The following MACROD1 variants were observed in gnomAD, a reference collection of about 807,000 sequenced individuals.
MACROD1 encodes the protein mono-ADP ribosylhydrolase 1.
In MACROD1, 31 loss-of-function variants were observed where a neutral mutation model predicts 41.4. The ratio of observed to expected loss-of-function variants is 0.75; its 90% confidence interval spans 0.56 to 1.01. The LOEUF (loss-of-function observed/expected upper bound fraction) is 1.01, where lower values mean the gene tolerates loss of function less well. MACROD1 is among the 50% of genes least tolerant of loss of function. MACROD1 has a pLI of 0.00. For synonymous variants in MACROD1, 252 were observed against 203.4 expected, an observed-to-expected ratio of 1.24 and a Z score of -2.03; for missense variants, 473 against 460.0, an observed-to-expected ratio of 1.03 and a Z score of -0.26.
At chr11:64,056,482 A>G (rs1467648912) in intron 3 of MACROD1, among the ~76,000 whole-genome samples, 7 of 152,210 alleles carry the variant, frequency 4.6e-5, no homozygotes, top group Non-Finnish European at 1.0e-4. Flanking sequence ...AGGAGGCTGT[A>G]CTAGAGAGAA....
At chr11:64,029,748 G>A (rs1361803720) in intron 3 of MACROD1, among the ~76,000 whole-genome samples, 1 of 152,128 alleles carries the variant, frequency 6.6e-6, no homozygotes, top group Non-Finnish European at 1.5e-5. Flanking sequence ...CTGTCTTTCA[G>A]GACACAGTTC....
chr11:64,080,803 CG>C (rs2134490143), intron 3 of MACROD1, among the ~76,000 whole-genome samples: 1 of 152,186 alleles, frequency 6.6e-6, no homozygotes, highest in South Asian at 2.1e-4. Context: ...GCAGTGTCCT[CG>C]GGCTCAGTGA....
At chr11:64,059,965 C>A (rs1217082613) in intron 3 of MACROD1, among the ~76,000 whole-genome samples, 1 of 152,132 alleles carries the variant, frequency 6.6e-6, no homozygotes, top group Non-Finnish European at 1.5e-5. Flanking sequence ...GGGGCCGGGG[C>A]ACCCTGTGGT....
At chr11:64,007,329 C>T (rs1942930098) in intron 4 of MACROD1, among the ~76,000 whole-genome samples, 1 of 152,140 alleles carries the variant, frequency 6.6e-6, no homozygotes, top group African/African-American at 2.4e-5. Flanking sequence ...GGAGCTGGCC[C>T]CGAGGAAGGA....
intron 3 of MACROD1, among the ~76,000 whole-genome samples, chr11:64,109,710 G>A (rs540234922): frequency 3.5e-4 from 53 of 152,278 alleles, no homozygotes; most frequent in African/African-American, 1.1e-3. Context: ...AGGAGGGGAT[G>A]GTTGATGGCC....
chr11:64,001,465 C>T, intron 4 of MACROD1: 1 of 702,442 alleles, frequency 1.4e-6, no homozygotes, highest in Non-Finnish European at 2.6e-6. Flanking sequence ...GATGGACAAA[C>T]CAAGGCCACC....
At chr11:64,089,436 C>T (rs949041659) in intron 3 of MACROD1, among the ~76,000 whole-genome samples, 1 of 152,176 alleles carries the variant, frequency 6.6e-6, no homozygotes, top group African/African-American at 2.4e-5. Context: ...ATGGAGGAGT[C>T]GTCACCTCAC....
At chr11:64,117,761 G>A in intron 3 of MACROD1, 1 of 1,614,106 alleles carries the variant, frequency 6.2e-7, no homozygotes, top group South Asian at 1.1e-5. Flanking sequence ...CAGCCCTGGA[G>A]CCCAAGTCCA....
At position 64,122,277 on chromosome 11, in the gene MACROD1, T is replaced by C. The variant is rs639406; in HGVS notation, c.517+28962A>G. Among the ~76,000 whole-genome samples the C allele has an allele frequency of 1.3e-5, 2 of 152,184 alleles. No homozygotes were observed. Among genetic ancestry groups the C allele is most frequent in the East Asian group, 3.9e-4 (2 of 5,188 alleles). ...TGGGGCTTGCTCCACGCTAACATGG[T>C]GCATGCGGCGGCCAGGGGCCTCCCT... On this transcript the variant is annotated intron_variant, in intron 3 of 10. Transcript: ENST00000255681. The surrounding 1 kb of genome is among the most constrained non-coding windows in gnomAD (Gnocchi z 4.0).
chr11:64,007,249 C>CGCAG (rs1405237240), intron 4 of MACROD1, among the ~76,000 whole-genome samples: 1 of 152,106 alleles, frequency 6.6e-6, no homozygotes, highest in African/African-American at 2.4e-5. Flanking sequence ...GTCCTGTGGC[C>CGCAG]GCAGCAGTTC....
chr11:64,060,936 C>CGG (rs1274184418), intron 3 of MACROD1, among the ~76,000 whole-genome samples: 1 of 151,872 alleles, frequency 6.6e-6, no homozygotes, highest in East Asian at 2.0e-4. Flanking sequence ...GGCATGCGCA[C>CGG]CGCGGCGGCG....
intron 3 of MACROD1, among the ~76,000 whole-genome samples, chr11:64,047,412 C>T (rs1943605143): frequency 6.6e-6 from 1 of 152,162 alleles, no homozygotes; most frequent in Admixed American, 6.5e-5. Flanking sequence ...AAAGCCAGGT[C>T]CATGCCATGG....
chr11:64,148,353 C>A (rs1201944665), intron 3 of MACROD1, among the ~76,000 whole-genome samples: 1 of 152,164 alleles, frequency 6.6e-6, no homozygotes, highest in African/African-American at 2.4e-5. Context: ...GCAGCGACAG[C>A]CCCTCCCATA....
At chr11:64,154,053 T>A (rs903312647) in intron 1 of MACROD1, among the ~76,000 whole-genome samples, 1 of 152,150 alleles carries the variant, frequency 6.6e-6, no homozygotes, top group African/African-American at 2.4e-5. Context: ...CCACACCCCA[T>A]GCAGCGGCCC....
chr11:64,000,780 C>T (rs1309995224), intron 4 of MACROD1, among the ~76,000 whole-genome samples: 1 of 152,200 alleles, frequency 6.6e-6, no homozygotes, highest in Non-Finnish European at 1.5e-5. Flanking sequence ...GCTGCCTCCG[C>T]CCGGGCCTCA....
At chr11:64,157,220 G>A (rs1945682981) in intron 1 of MACROD1, among the ~76,000 whole-genome samples, 1 of 152,136 alleles carries the variant, frequency 6.6e-6, no homozygotes, top group Admixed American at 6.5e-5. Flanking sequence ...AGCCTCCTGA[G>A]TAGCTGGGAT....
rs1943438441 is a variant in MACROD1, at chr11:64,039,193, TG to T, written c.518-23913del. Among the ~76,000 whole-genome samples the T allele has an allele frequency of 2.0e-5, 3 of 150,712 alleles. No homozygotes were observed. In the South Asian group the frequency reaches 6.3e-4, roughly 32 times the overall value. On this transcript the variant is annotated intron_variant, in intron 3 of 10. Coordinates refer to ENST00000255681, the MANE Select transcript of MACROD1 (RefSeq NM_014067.4). ...GCTTTTGCTGAGGCCCCTTATAGGA[TG>T]GGGTGCGTGAGGCATGTGGGTGAGC... is the stretch of plus-strand genomic sequence containing the variant.
At chr11:64,153,235 AC>A (rs1945611974) in intron 1 of MACROD1, among the ~76,000 whole-genome samples, 1 of 152,126 alleles carries the variant, frequency 6.6e-6, no homozygotes, top group African/African-American at 2.4e-5. Flanking sequence ...CTAGCAGCTC[AC>A]GGGCTCCCCC....
At chr11:64,160,501 G>A (rs1369233805) in intron 1 of MACROD1, among the ~76,000 whole-genome samples, 2 of 152,188 alleles carry the variant, frequency 1.3e-5, no homozygotes, top group African/African-American at 4.8e-5. Flanking sequence ...GTCCATCAGA[G>A]ACATGGAGAG....
Sources: allele counts gnomAD v4.1 joint callset (sites outside exome capture counted in the v4.1 genomes callset), GRCh38; gene constraint gnomAD v4.1.1; non-coding constraint Gnocchi (gnomAD v3.1); transcripts MANE v1.5; gene names NCBI Gene and HGNC (gene_info 2026-07-23, HGNC 2026-07-21).